Variants in BTBD8 observed in about 807,000 individuals in gnomAD.
BTBD8 encodes the protein BTB domain containing 8.
BTBD8 carries 110 observed loss-of-function variants against 162.9 expected under a neutral mutation model. The ratio of observed to expected loss-of-function variants is 0.68; its 90% CI spans 0.58 to 0.79. The LOEUF (loss-of-function observed/expected upper bound fraction) is 0.79, where lower values mean the gene tolerates loss of function less well. Among genes scored for constraint, BTBD8 ranks in the 30% least tolerant of loss-of-function variants. The pLI, the probability that BTBD8 is intolerant of heterozygous loss-of-function variation, is 0.00. For missense variants in BTBD8, 1,905 were observed against 2,085.4 expected (o/e 0.91, Z 1.68); for synonymous variants, 667 against 716.1 (o/e 0.93, Z 1.10).
chr1:92,171,065 AC>A (rs1398891388), intron 12 of BTBD8, among the ~76,000 whole-genome samples: 4 of 152,040 alleles, frequency 2.6e-5, no homozygotes, highest in Non-Finnish European at 5.9e-5. Flanking sequence ...AATTTGGAGA[AC>A]TAAATGAAAC....
At position 92,088,756 on chromosome 1, in the gene BTBD8, A is replaced by G; in HGVS notation, c.208A>G (p.Lys70Glu). 1.9e-6 allele frequency: 3 copies of G among 1,612,960 alleles called. No homozygotes were observed. The highest frequency in any genetic ancestry group is 2.5e-6 in the Non-Finnish European group (3 of 1,179,292). The change falls in exon 2 of 18, where the codon AAA becomes GAA. Residue 70 changes from lysine (K) to glutamate (E), a missense_variant. By Grantham distance (56) the Lys-to-Glu change is moderately conservative. Transcript: ENST00000636805. ...VTFSVGCTLFKAHKAVLLARV... is the reference protein window; with the variant it reads ...VTFSVGCTLFEAHKAVLLARV... ...CTTCTCTGTGGGTTGTACTTTGTTC[A>G]AAGCACACAAAGCAGTCCTTTTAGC...
At chr1:92,125,598 C>T (rs1187923302) in intron 4 of BTBD8, 4 of 265,242 alleles carry the variant, frequency 1.5e-5, no homozygotes, top group African/African-American at 2.3e-5. Flanking sequence ...GACAAGGTAC[C>T]GTCAGCACTG....
chr1:92,097,537 C>A (rs1353889692), intron 2 of BTBD8, among the ~76,000 whole-genome samples: 1 of 152,178 alleles, frequency 6.6e-6, no homozygotes, highest in East Asian at 1.9e-4. Context: ...TTAGCAGCCA[C>A]CCCTATTTCC....
At chr1:92,097,487 C>T (rs1019532020) in intron 2 of BTBD8, among the ~76,000 whole-genome samples, 19 of 152,204 alleles carry the variant, frequency 1.2e-4, no homozygotes, top group African/African-American at 4.6e-4. Context: ...TCACTAATTC[C>T]AGAATATCTT....
Position 92,180,406 on chromosome 1 carries a change from C to T in BTBD8, c.2723C>T (p.Ala908Val). 6.4e-7 allele frequency: 1 copy of T among 1,551,592 alleles called. No individual in the cohort carries two copies. Among genetic ancestry groups the T allele is most frequent in the African/African-American group, 1.4e-5 (1 of 73,138 alleles). Residue 908 changes from alanine to valine, a missense_variant, in exon 17 of 18, where the codon GCT becomes GTT. Physicochemically the swap from Ala to Val is moderately conservative, Grantham distance 64. Coordinates refer to ENST00000636805, the MANE Select transcript of BTBD8 (RefSeq NM_001376131.1). ...KRKMVKQVHT[A>V]LPKVNAKIVA... ...AAAATGGTCAAGCAAGTACACACAG[C>T]TTTGCCTAAGGTTAATGCAAAAATA... is the stretch of plus-strand genomic sequence containing the variant.
chr1:92,168,883 C>A lies in BTBD8; in HGVS notation c.1461C>A (p.Ile487=). Residue 487 remains isoleucine, a synonymous_variant, in exon 12 of 18, where the codon ATC becomes ATA. Coordinates refer to ENST00000636805, the MANE Select transcript of BTBD8 (RefSeq NM_001376131.1). ...GAACACAGGGTTTTACGTGCAAGATCCAGGCTCTGCGTGATAAGCTGTGGA... is the reference window on the plus strand; with the variant it reads ...GAACACAGGGTTTTACGTGCAAGATACAGGCTCTGCGTGATAAGCTGTGGA... ...STKEMGFTCK[I]QALRDKLWIF... is the part of the protein sequence containing the mutation. The A allele has an allele frequency of 6.5e-7, 1 of 1,532,690 alleles. No homozygotes were observed. The highest frequency in any genetic ancestry group is 8.8e-7 in the Non-Finnish European group (1 of 1,132,814). 94.9% of individuals were successfully genotyped at this position (1,532,690 alleles called of 1,614,324 possible).
At chr1:92,091,345 TC>T (rs1648292720) in intron 2 of BTBD8, among the ~76,000 whole-genome samples, 1 of 152,202 alleles carries the variant, frequency 6.6e-6, no homozygotes, top group South Asian at 2.1e-4. Flanking sequence ...TTCCATGCCT[TC>T]CTGTACAGCC....
chr1:92,159,137 G>A (rs929648530), intron 9 of BTBD8, among the ~76,000 whole-genome samples: 1 of 150,488 alleles, frequency 6.6e-6, no homozygotes, highest in African/African-American at 2.4e-5. Context: ...ATTACTCTTC[G>A]TTTGTTTACA....
intron 5 of BTBD8, among the ~76,000 whole-genome samples, chr1:92,132,001 G>T (rs10783109): frequency 5.9e-5 from 9 of 152,046 alleles, no homozygotes; most frequent in African/African-American, 2.2e-4. Context: ...TTAGCCACCG[G>T]ACCCAGCTTA....
chr1:92,154,310 T>A (rs1650109404), intron 9 of BTBD8, among the ~76,000 whole-genome samples: 1 of 152,168 alleles, frequency 6.6e-6, no homozygotes, highest in African/African-American at 2.4e-5. Context: ...CAGAAGTAGG[T>A]TTTTGGATCA....
Position 92,123,605 on chromosome 1 carries a change from AT to A in BTBD8, c.663-6076del, listed in dbSNP as rs1409117577. ...TTTTTTGATACTAGTGTAAATGGAA[AT>A]TTTTTCTTTTATGTTCTAGTTGTTC... On this transcript the variant is annotated intron_variant, in intron 4 of 17. Coordinates refer to ENST00000636805, the MANE Select transcript of BTBD8 (RefSeq NM_001376131.1). Among the ~76,000 whole-genome samples the A allele has an allele frequency of 2.0e-5, 3 of 151,682 alleles. No homozygotes were observed. In the South Asian group the frequency reaches 6.2e-4, roughly 32 times the overall value.
intron 4 of BTBD8, among the ~76,000 whole-genome samples, chr1:92,110,148 T>C (rs1648851067): frequency 6.6e-6 from 1 of 152,144 alleles, no homozygotes; most frequent in African/African-American, 2.4e-5. Context: ...CTCAGCCCAA[T>C]CCCCGGAACA....
At chr1:92,123,776 CAAAAAAAAAAAAAA>C (rs529220915) in intron 4 of BTBD8, among the ~76,000 whole-genome samples, 1 of 84,494 alleles carries the variant, frequency 1.2e-5, no homozygotes, top group Non-Finnish European at 2.2e-5. Context: ...GACTCCGTCT[CAAAAAAAAAAAAAA>C]AAAAAAGAAA....
intron 9 of BTBD8, among the ~76,000 whole-genome samples, chr1:92,160,912 C>A (rs1025860821): frequency 2.6e-5 from 4 of 152,174 alleles, no homozygotes; most frequent in Non-Finnish European, 5.9e-5. Context: ...CCCATCAGCA[C>A]TCCAAGACTG....
At chr1:92,101,296 G>T (rs7541482) in intron 2 of BTBD8, among the ~76,000 whole-genome samples, 1 of 152,050 alleles carries the variant, frequency 6.6e-6, no homozygotes, top group Admixed American at 6.5e-5. Context: ...ACTCAGGCCA[G>T]GTGTATGGAT....
intron 1 of BTBD8, among the ~76,000 whole-genome samples, chr1:92,082,686 T>C (rs1205569392): frequency 2.6e-5 from 4 of 152,200 alleles, no homozygotes; most frequent in Non-Finnish European, 5.9e-5. Flanking sequence ...ACTCCTAGGT[T>C]ACCTGACGTG....
At chr1:92,124,419 G>C (rs926529846) in intron 4 of BTBD8, among the ~76,000 whole-genome samples, 5 of 152,182 alleles carry the variant, frequency 3.3e-5, no homozygotes, top group Non-Finnish European at 7.3e-5. Flanking sequence ...ATTGTTCCGT[G>C]TATCTCATTT....
At chr1:92,109,928 C>T (rs1648846554) in intron 4 of BTBD8, among the ~76,000 whole-genome samples, 2 of 152,286 alleles carry the variant, frequency 1.3e-5, no homozygotes, top group East Asian at 3.9e-4. Flanking sequence ...CAAGTACTTA[C>T]AAAGGACCAG....
At chr1:92,086,416 C>T (rs1015558370) in intron 1 of BTBD8, among the ~76,000 whole-genome samples, 1 of 152,114 alleles carries the variant, frequency 6.6e-6, no homozygotes, top group African/African-American at 2.4e-5. Context: ...TTTTCCCCAA[C>T]ACTCAGGAGT....
Sources: allele counts gnomAD v4.1 joint callset (sites outside exome capture counted in the v4.1 genomes callset), GRCh38; gene constraint gnomAD v4.1.1; transcripts MANE v1.5; gene names NCBI Gene and HGNC (gene_info 2026-07-23, HGNC 2026-07-21).